The following HELZ variants were observed in gnomAD, a reference collection of about 807,000 sequenced individuals.
HELZ encodes the protein ATP-dependent RNA helicase with zinc finger domain.
In HELZ, 23 loss-of-function variants were observed where a neutral mutation model predicts 218.2. That is an observed-to-expected ratio of 0.11 (90% CI 0.08 to 0.15). HELZ has a LOEUF of 0.15. Among genes scored for constraint, HELZ ranks in the 10% least tolerant of loss-of-function variants. HELZ has a pLI of 1.00. For synonymous variants in HELZ, 814 were observed against 829.4 expected (o/e 0.98, Z 0.32); for missense variants, 1,813 against 2,353.7 (o/e 0.77, Z 4.75).
rs543544380 is a variant in HELZ, at chr17:67,145,734, T to C, written c.2769+9A>G. 16 of 1,587,834 alleles carry C rather than the reference T, an allele frequency of 1.0e-5. No homozygotes were observed. The highest frequency in any genetic ancestry group is 8.8e-5 in the Admixed American group (5 of 57,098). ...AAATGTTAACAATTTACAAAAAGAA[T>C]TAAGGTACCTCTGCATTATTATAAA... is the stretch of plus-strand genomic sequence containing the variant. On this transcript the variant is annotated intron_variant, in intron 21 of 32. Coordinates refer to ENST00000358691, the MANE Select transcript of HELZ (RefSeq NM_014877.4).
In HELZ at chr17:67,136,086, G is replaced by A; in HGVS notation, c.3066C>T (p.Asp1022=). Residue 1022 remains aspartate, a synonymous_variant, in exon 23 of 33, where the codon GAC becomes GAT. Coordinates refer to ENST00000358691, the MANE Select transcript of HELZ (RefSeq NM_014877.4). ...AGTTAGATAAAAAACCATAATCTAA[G>A]TCCTCTGTGGAATCTTCCAGAAGTT... The part of the protein sequence containing the change: ...KEQLLEDSTE[D]LDYGFLSNYK... The A allele has an allele frequency of 6.2e-7, 1 of 1,613,698 alleles. No homozygotes were observed. Among genetic ancestry groups the A allele is most frequent in the Non-Finnish European group, 8.5e-7 (1 of 1,179,674 alleles).
intron 13 of HELZ, among the ~76,000 whole-genome samples, chr17:67,168,537 C>T (rs1035942721): frequency 6.6e-6 from 1 of 152,126 alleles, no homozygotes. Context: ...GACTTTAAAC[C>T]AATTACTTTC....
intron 24 of HELZ, chr17:67,128,433 A>C (rs1328968024): frequency 3.4e-5 from 19 of 561,870 alleles, no homozygotes; most frequent in Non-Finnish European, 5.4e-5. Flanking sequence ...CAGTATTAAA[A>C]ATTGTTTGAG....
At chr17:67,181,252 T>C (rs550878487) in intron 12 of HELZ, among the ~76,000 whole-genome samples, 2 of 152,354 alleles carry the variant, frequency 1.3e-5, no homozygotes, top group South Asian at 2.1e-4. Flanking sequence ...AAAAAGTCAC[T>C]AGTTATTCCT....
intron 31 of HELZ, among the ~76,000 whole-genome samples, chr17:67,096,094 A>G (rs2036735353): frequency 6.6e-6 from 1 of 152,222 alleles, no homozygotes; most frequent in South Asian, 2.1e-4. Context: ...TGCATTGTCA[A>G]TGAGCAGTAA....
In HELZ at chr17:67,074,578, A is replaced by G. The variant is rs2035971509; in HGVS notation, c.*3674T>C. ...TTACGTCTGCAGCTTTGCTCTTGAC[A>G]TGAAAAATATTAAACACATAAAATC... is the stretch of plus-strand genomic sequence containing the variant. On this transcript the variant is annotated 3_prime_UTR_variant, in exon 33 of 33. Transcript: ENST00000358691. The G allele has an allele frequency of 6.6e-6, 1 of 152,188 alleles. No homozygotes were observed. The highest frequency in any genetic ancestry group is 6.5e-5 in the Admixed American group (1 of 15,284). The allele number at this position is 152,188 out of a possible 1,614,324, so 9.4% of individuals were successfully genotyped here.
intron 31 of HELZ, among the ~76,000 whole-genome samples, chr17:67,104,425 C>A (rs2037030908): frequency 2.1e-5 from 3 of 140,840 alleles, no homozygotes; most frequent in Non-Finnish European, 4.5e-5. Flanking sequence ...TGCAACAGAG[C>A]GAGACGCCAT....
intron 5 of HELZ, among the ~76,000 whole-genome samples, chr17:67,212,516 A>G (rs1567896546): frequency 1.3e-5 from 2 of 151,988 alleles, no homozygotes; most frequent in African/African-American, 4.8e-5. Context: ...TACAAAAATA[A>G]TGTTACTAAA....
At chr17:67,158,775 C>T (rs911324442) in intron 17 of HELZ, among the ~76,000 whole-genome samples, 3 of 152,128 alleles carry the variant, frequency 2.0e-5, no homozygotes, top group Non-Finnish European at 4.4e-5. Flanking sequence ...AACATAACTT[C>T]TTATTCTGCA....
At chr17:67,177,139 G>A (rs1345716138) in intron 13 of HELZ, among the ~76,000 whole-genome samples, 1 of 151,992 alleles carries the variant, frequency 6.6e-6, no homozygotes, top group Non-Finnish European at 1.5e-5. Flanking sequence ...TTTTTGTAGA[G>A]ATGAGGTCTC....
At chr17:67,122,538 C>T (rs554331565) in intron 26 of HELZ, among the ~76,000 whole-genome samples, 101 of 151,166 alleles carry the variant, frequency 6.7e-4, no homozygotes, top group African/African-American at 2.4e-3. Flanking sequence ...AGAGTGAGAC[C>T]CCGTCTCAAA....
At chr17:67,080,838 G>T (rs962217133) in intron 32 of HELZ, among the ~76,000 whole-genome samples, 4 of 152,110 alleles carry the variant, frequency 2.6e-5, no homozygotes, top group African/African-American at 9.7e-5. Context: ...GATTTAAACA[G>T]GTGGGGAAAG....
At chr17:67,191,030 T>C (rs1775900963) in intron 9 of HELZ, among the ~76,000 whole-genome samples, 1 of 151,980 alleles carries the variant, frequency 6.6e-6, no homozygotes, top group South Asian at 2.1e-4. Context: ...TTTTAAGCAA[T>C]ACTGACATCA....
At position 67,149,905 on chromosome 17, in the gene HELZ, G is replaced by C. The variant is rs1365326437; in HGVS notation, c.2437C>G (p.Gln813Glu). Residue 813 changes from glutamine to glutamate, a missense_variant, in exon 19 of 33, where the codon CAA becomes GAA. Physicochemically the swap from Gln to Glu is conservative, Grantham distance 29 (BLOSUM62 2). Around this residue, in one of 4 missense-constraint regions of HELZ, gnomAD observed 714 missense variants for 1,029.2 expected, o/e 0.69. Coordinates refer to ENST00000358691, the MANE Select transcript of HELZ (RefSeq NM_014877.4). ...ETIMPLALATQNTRIVLAGDH... is the reference protein window; with the variant it reads ...ETIMPLALATENTRIVLAGDH... ...CCAGCCAAGACAATCCGAGTGTTTT[G>C]AGTTGCTAATGCTAGAGGCATAATG... 6.2e-7 allele frequency: 1 copy of C among 1,611,042 alleles called. No homozygotes were observed. The highest frequency in any genetic ancestry group is 1.1e-5 in the South Asian group (1 of 90,686).
chr17:67,187,268 A>G (rs1314099005), intron 12 of HELZ, among the ~76,000 whole-genome samples: 2 of 152,200 alleles, frequency 1.3e-5, no homozygotes, highest in Non-Finnish European at 2.9e-5. Context: ...AAAAACAAGT[A>G]AAAGGGATCA....
chr17:67,164,053 T>C (rs1014431709), intron 15 of HELZ, among the ~76,000 whole-genome samples: 3 of 152,184 alleles, frequency 2.0e-5, no homozygotes, highest in Non-Finnish European at 2.9e-5. Flanking sequence ...GGCCTTACAA[T>C]TGAAACTTTT....
At position 67,072,522 on chromosome 17, in the gene HELZ, T is replaced by C. The variant is rs747547166; in HGVS notation, c.*5730A>G. On this transcript the variant is annotated 3_prime_UTR_variant, in exon 33 of 33. Coordinates refer to ENST00000358691, the MANE Select transcript of HELZ (RefSeq NM_014877.4). ...TCACTTCCATGCATGTGGATCAAGA[T>C]TGACCCTAAGCACACCAAACAAATG... The C allele has an allele frequency of 2.0e-5, 3 of 152,640 alleles. No homozygotes were observed. The highest frequency in any genetic ancestry group is 6.5e-5 in the Admixed American group (1 of 15,274). The allele number at this position is 152,640 out of a possible 1,614,324, so 9.5% of individuals were successfully genotyped here.
Position 67,210,029 on chromosome 17 carries a change from G to A in HELZ, c.247+5870C>T, listed in dbSNP as rs1398584071. Among the ~76,000 whole-genome samples the A allele has an allele frequency of 2.0e-4, 31 of 152,050 alleles. 1 individual carries two copies. The highest frequency in any genetic ancestry group is 2.0e-3 in the Admixed American group (31 of 15,248). ...CCAGGATCACTCAAGACCAGCCTGG[G>A]CAACAAAGCAAAACCCCATCTCTAC... On this transcript the variant is annotated intron_variant, in intron 5 of 32. Transcript: ENST00000358691.
chr17:67,155,774 T>C (rs2038821850), intron 17 of HELZ, among the ~76,000 whole-genome samples: 1 of 151,660 alleles, frequency 6.6e-6, no homozygotes, highest in Non-Finnish European at 1.5e-5. Flanking sequence ...GAGGCAGAGG[T>C]TGCAGTGAGC....
Sources: gnomAD v4.1 joint callset for allele counts (sites outside exome capture counted in the v4.1 genomes callset) on GRCh38, gnomAD v4.1.1 for gene constraint, gnomAD v4.1.1 regional missense constraint, MANE v1.5 for transcripts, NCBI Gene and HGNC (gene_info 2026-07-23, HGNC 2026-07-21) for gene names.